The following DPP6 variants were observed in gnomAD, a reference collection of about 807,000 sequenced individuals.
The protein encoded by DPP6 is dipeptidyl peptidase like 6, also known as A-type potassium channel modulatory protein DPP6.
In DPP6, 69 loss-of-function variants were observed where a neutral mutation model predicts 122.6. That is an observed-to-expected ratio of 0.56 (90% CI 0.46 to 0.69). The LOEUF is 0.69. DPP6 is among the 30% of genes least tolerant of loss of function. The probability of loss-of-function intolerance (pLI) is 0.00; values close to 1 mark genes in which losing one functional copy is unlikely to be tolerated. For missense variants in DPP6, 928 were observed against 1,116.9 expected, an observed-to-expected ratio of 0.83 and a Z score of 2.41; for synonymous variants, 418 against 433.1, an observed-to-expected ratio of 0.97 and a Z score of 0.43.
At chr7:154,596,755 G>A (rs1001411051) in intron 5 of DPP6, among the ~76,000 whole-genome samples, 2 of 152,220 alleles carry the variant, frequency 1.3e-5, no homozygotes, top group East Asian at 3.8e-4. Flanking sequence ...TTAAATGCCA[G>A]TCTGAATCTT....
chr7:154,628,837 G>A (rs1835242200), intron 5 of DPP6, among the ~76,000 whole-genome samples: 1 of 152,088 alleles, frequency 6.6e-6, no homozygotes, highest in Admixed American at 6.5e-5. Context: ...ACTAAAACCA[G>A]CCAAGACCAA....
chr7:154,515,331 T>C (rs1422725843), intron 3 of DPP6, among the ~76,000 whole-genome samples: 1 of 152,216 alleles, frequency 6.6e-6, no homozygotes, highest in Non-Finnish European at 1.5e-5. Context: ...CATGGAATAA[T>C]TGTCCTGTCC....
At chr7:154,830,680 A>G (rs531136197) in intron 16 of DPP6, among the ~76,000 whole-genome samples, 1 of 152,270 alleles carries the variant, frequency 6.6e-6, no homozygotes, top group African/African-American at 2.4e-5. Flanking sequence ...CCCGGCCTTA[A>G]TCGTACTTCA....
At chr7:154,740,118 T>C (rs900096111) in intron 8 of DPP6, among the ~76,000 whole-genome samples, 9 of 152,210 alleles carry the variant, frequency 5.9e-5, no homozygotes, top group Non-Finnish European at 1.3e-4. Context: ...ATTAATGACC[T>C]ACTCCTGAGA....
chr7:154,825,364 T>C (rs1437170114), intron 16 of DPP6, among the ~76,000 whole-genome samples: 1 of 152,236 alleles, frequency 6.6e-6, no homozygotes, highest in South Asian at 2.1e-4. Context: ...TTCTGAGCTA[T>C]GCAACAGAGT....
intron 6 of DPP6, among the ~76,000 whole-genome samples, chr7:154,663,885 T>G (rs1837950763): frequency 9.3e-6 from 1 of 107,616 alleles, no homozygotes; most frequent in African/African-American, 2.7e-5. Context: ...GCCGTAGTGT[T>G]CATATAGTCA....
rs553536583 is a variant in DPP6 at position 154,606,143 on chromosome 7, A to G, written c.628-31678A>G. 1.0e-3 allele frequency among the ~76,000 whole-genome samples: 126 copies of G among 120,294 alleles called. 21 individuals are homozygous for G. The highest frequency in any genetic ancestry group is 3.1e-3 in the African/African-American group (118 of 37,956). The allele number at this position is 120,294 out of a possible 152,430, so 78.9% of individuals were successfully genotyped here. On this transcript the variant is annotated intron_variant, in intron 5 of 25. Transcript: ENST00000377770. Reference sequence around the variant, plus strand: ...ATAACCATTGAAAGAGGACCCTTCAATTGGCCACTGGCTTATTAGTTATAT... The same window carrying G: ...ATAACCATTGAAAGAGGACCCTTCAGTTGGCCACTGGCTTATTAGTTATAT...
intron 3 of DPP6, among the ~76,000 whole-genome samples, chr7:154,479,586 AAAAAG>A (rs1485813265): frequency 1.4e-5 from 2 of 146,704 alleles, no homozygotes; most frequent in Non-Finnish European, 3.0e-5. Context: ...AAAAGAAAAG[AAAAAG>A]AAAAGGCTCA....
chr7:153,761,013 G>A, the DPP6 span, among the ~76,000 whole-genome samples: 7 of 152,026 alleles, frequency 4.6e-5, no homozygotes, highest in Non-Finnish European at 7.4e-5. Context: ...AGTCTCCTGG[G>A]CCCCACCTAG....
chr7:154,316,938 G>C (rs910777362), intron 1 of DPP6, among the ~76,000 whole-genome samples: 4 of 152,078 alleles, frequency 2.6e-5, no homozygotes, highest in African/African-American at 9.7e-5. Context: ...GGACAAGTTG[G>C]GTAACCTCAG....
rs1425210600 is a variant in DPP6 at position 154,061,079 on chromosome 7, G to A, written c.243+8016G>A. On this transcript the variant is annotated intron_variant, in intron 1 of 25. Coordinates refer to ENST00000377770, the MANE Select transcript of DPP6 (RefSeq NM_130797.4). ...GATCCGACGGGTCCGAACGCAGCTC[G>A]GGAACAGAAAGAAAGCAGGTTATTT... is the stretch of plus-strand genomic sequence containing the variant. Among the ~76,000 whole-genome samples the A allele has an allele frequency of 3.0e-4, 45 of 149,190 alleles. 1 individual carries two copies. The highest frequency in any genetic ancestry group is 9.3e-4 in the African/African-American group (38 of 41,080).
the DPP6 span, among the ~76,000 whole-genome samples, chr7:153,794,957 G>A: frequency 6.6e-6 from 1 of 152,210 alleles, no homozygotes; most frequent in South Asian, 2.1e-4. Flanking sequence ...CAGCTATGTG[G>A]AACTATAAGT....
chr7:154,313,256 A>T (rs1257976577), intron 1 of DPP6, among the ~76,000 whole-genome samples: 2 of 152,220 alleles, frequency 1.3e-5, no homozygotes, highest in African/African-American at 4.8e-5. Flanking sequence ...AGAGCAGAAC[A>T]GTCCACAGCC....
Position 154,875,008 on chromosome 7 carries a change from G to A in DPP6, c.1884-898G>A, listed in dbSNP as rs1387387210. 1.3e-5 allele frequency among the ~76,000 whole-genome samples: 2 copies of A among 152,142 alleles called. No individual in the cohort carries two copies. The highest frequency in any genetic ancestry group is 4.8e-5 in the African/African-American group (2 of 41,428). On this transcript the variant is annotated intron_variant, in intron 19 of 25. Coordinates refer to ENST00000377770, the MANE Select transcript of DPP6 (RefSeq NM_130797.4). This position sits in a 1 kb window ranked among gnomAD's most constrained non-coding sequence, Gnocchi z 4.5. Reference sequence around the variant, plus strand: ...TCAGCTATTTGGAAGGCAAAAGTGGGAGGATTGCTTGAGCCCCAGAGGTCA... The same window carrying A: ...TCAGCTATTTGGAAGGCAAAAGTGGAAGGATTGCTTGAGCCCCAGAGGTCA...
chr7:154,177,786 A>G (rs543226643), intron 1 of DPP6, among the ~76,000 whole-genome samples: 17 of 152,350 alleles, frequency 1.1e-4, no homozygotes, highest in African/African-American at 3.8e-4. Flanking sequence ...GTAATACGGT[A>G]CTTTGATAGC....
intron 1 of DPP6, among the ~76,000 whole-genome samples, chr7:154,435,500 G>A (rs1033851333): frequency 6.6e-6 from 1 of 152,146 alleles, no homozygotes; most frequent in African/African-American, 2.4e-5. Flanking sequence ...GATCTGTGTT[G>A]GCTTTTATCA....
chr7:154,185,455 C>T (rs1285322990), intron 1 of DPP6, among the ~76,000 whole-genome samples: 2 of 152,060 alleles, frequency 1.3e-5, no homozygotes, highest in Admixed American at 1.3e-4. Flanking sequence ...TCCATCAGTG[C>T]TTAGGGTCTA....
At chr7:154,715,049 T>TTTATC (rs113769546) in intron 7 of DPP6, among the ~76,000 whole-genome samples, 142,966 of 151,688 alleles carry the variant, frequency 0.94, 67,856 homozygotes, top group East Asian at 1. Context: ...TTTATTTTAT[T>TTTATC]TTATCTTATC....
intron 1 of DPP6, among the ~76,000 whole-genome samples, chr7:154,383,019 G>A (rs1235938939): frequency 6.6e-6 from 1 of 152,188 alleles, no homozygotes; most frequent in African/African-American, 2.4e-5. Flanking sequence ...GAGCCACTGT[G>A]CCTGGCCAAT....
Sources: allele counts gnomAD v4.1 joint callset (sites outside exome capture counted in the v4.1 genomes callset), GRCh38; gene constraint gnomAD v4.1.1; non-coding constraint Gnocchi (gnomAD v3.1); transcripts MANE v1.5; gene names NCBI Gene and HGNC (gene_info 2026-07-23, HGNC 2026-07-21).